Variants in HDAC7 observed in about 807,000 individuals in gnomAD.
HDAC7 encodes histone deacetylase 7, also known as histone deacetylase 7A.
Under a neutral mutation model 115.5 loss-of-function variants are expected in HDAC7, and 26 were observed. The observed-to-expected ratio is 0.23, with a 90% CI of 0.16 to 0.31. HDAC7 has a LOEUF of 0.31. Among genes scored for constraint, HDAC7 ranks in the 10% least tolerant of loss-of-function variants. The probability of loss-of-function intolerance (pLI) is 1.00; values close to 1 mark genes in which losing one functional copy is unlikely to be tolerated. For missense variants in HDAC7, 1,068 were observed against 1,329.0 expected (o/e 0.80, Z 3.05); for synonymous variants, 564 against 550.9 (o/e 1.02, Z -0.33).
intron 7 of HDAC7, 82 bp downstream of exon 7, chr12:47,796,935 C>T: frequency 1.4e-6 from 2 of 1,450,954 alleles, no homozygotes; most frequent in South Asian, 2.9e-5. Flanking sequence ...GAGGGGACCC[C>T]TGTCTAGGTG....
intron 1 of HDAC7, among the ~76,000 whole-genome samples, 180 bp downstream of exon 1, chr12:47,819,587 G>A (rs1026033687): frequency 2.6e-5 from 4 of 151,412 alleles, no homozygotes; most frequent in Non-Finnish European, 1.5e-5. Context: ...CCAGAGCCCC[G>A]CGGAGCCGGG....
chr12:47,805,532 C>G lies in HDAC7; in HGVS notation c.20-3258G>C, dbSNP rs559867638. Among the ~76,000 whole-genome samples, 5 of 152,306 alleles carry G rather than the reference C, an allele frequency of 3.3e-5. No homozygotes were observed. The East Asian group carries it at 9.6e-4, about 29-fold the overall frequency. On this transcript the variant is annotated intron_variant, in intron 1 of 25. Transcript: ENST00000080059. ...TCTGGTTCTCCTTCCCTGACATAGG[C>G]TGGAAAAAGCTTGAGTCTCCATGGG...
rs564861883 is a variant in HDAC7, at chr12:47,811,712, T to G, written c.19+8055A>C. Among the ~76,000 whole-genome samples, 99 of 152,352 alleles carry G rather than the reference T, an allele frequency of 6.5e-4. No homozygotes were observed. In the South Asian group the frequency reaches 7.2e-3, roughly 11 times the overall value. On this transcript the variant is annotated intron_variant, in intron 1 of 25. Coordinates refer to ENST00000080059, the MANE Select transcript of HDAC7 (RefSeq NM_015401.5). ...ACAGCCCATGGTAGCAAAGTCAAAGTGTGACCTCGGGCTCCCGTGAGCATT... is the reference window on the plus strand; with the variant it reads ...ACAGCCCATGGTAGCAAAGTCAAAGGGTGACCTCGGGCTCCCGTGAGCATT...
rs766456680 is a variant in HDAC7, at chr12:47,789,287, C to T, written c.2209G>A (p.Ala737Thr). ...CAGTCTACAATGAGGATCTTGCTGG[C>T]CTTGCTCTGCTGTTGCAGCTGCCGG... ...ACRQLQQQSK[A>T]SKILIVDWDV... is the part of the protein sequence containing the mutation. Residue 737 changes from alanine to threonine, a missense_variant, in exon 19 of 26, where the codon GCC becomes ACC. Physicochemically the swap from Ala to Thr is moderately conservative, Grantham distance 58 (BLOSUM62 0). Around this residue, in one of 6 missense-constraint regions of HDAC7, gnomAD observed 182 missense variants for 301.1 expected, o/e 0.60. Transcript: ENST00000080059. 6.2e-7 allele frequency: 1 copy of T among 1,614,070 alleles called. No homozygotes were observed. Among genetic ancestry groups the T allele is most frequent in the South Asian group, 1.1e-5 (1 of 91,088 alleles).
intron 1 of HDAC7, among the ~76,000 whole-genome samples, chr12:47,806,799 A>G (rs1236127824): frequency 6.6e-6 from 1 of 152,170 alleles, no homozygotes; most frequent in Non-Finnish European, 1.5e-5. Flanking sequence ...CCCTTGTGGT[A>G]GCGAGTATTA....
intron 1 of HDAC7, chr12:47,817,531 C>A (rs1944882954): frequency 6.6e-6 from 1 of 152,436 alleles, no homozygotes; most frequent in South Asian, 2.1e-4. Context: ...CAGCAATACC[C>A]CACACCCCAC....
In HDAC7 at chr12:47,792,075, C is replaced by A. The variant is rs1048933316; in HGVS notation, c.1679-71G>T. The stretch of plus-strand genomic sequence containing the variant: ...CCCATGGCCTTGGCTGCAGAGAACA[C>A]GCCAGCACCGCCACAGCAGGCACCC... On this transcript the variant is annotated intron_variant, in intron 13 of 25. Transcript: ENST00000080059. 2.0e-6 allele frequency: 3 copies of A among 1,485,854 alleles called. No individual in the cohort carries two copies. The East Asian group carries it at 7.2e-5, about 36-fold the overall frequency. 92.0% of individuals were successfully genotyped at this position (1,485,854 alleles called of 1,614,324 possible). A position where few individuals can be genotyped will look rare whatever the true frequency, so the allele number is the denominator to read the frequency against.
intron 7 of HDAC7, among the ~76,000 whole-genome samples, chr12:47,796,515 C>A (rs1433772308): frequency 6.6e-6 from 1 of 151,882 alleles, no homozygotes; most frequent in Non-Finnish European, 1.5e-5. Flanking sequence ...CCTCCACCTC[C>A]TGGGTTCAAG....
chr12:47,801,851 T>A (rs551737202), intron 2 of HDAC7, among the ~76,000 whole-genome samples: 1 of 152,180 alleles, frequency 6.6e-6, no homozygotes, highest in African/African-American at 2.4e-5. Flanking sequence ...CATGCCCACC[T>A]TGCAGAGCCG....
intron 13 of HDAC7, chr12:47,792,785 G>A (rs1431304085): frequency 4.7e-6 from 2 of 421,566 alleles, no homozygotes; most frequent in Admixed American, 2.6e-5. Context: ...ATACATTAAT[G>A]AAATACTATG....
chr12:47,801,251 T>C (rs1323211031), intron 2 of HDAC7, among the ~76,000 whole-genome samples: 2 of 152,070 alleles, frequency 1.3e-5, no homozygotes, highest in East Asian at 1.9e-4. Context: ...GGGCAGGGAG[T>C]TGGTTTCATG....
Position 47,802,461 on chromosome 12 carries a change from G to C in HDAC7, c.20-187C>G, listed in dbSNP as rs775573200. 13 of 1,551,044 alleles carry C rather than the reference G, an allele frequency of 8.4e-6. No homozygotes were observed. The Middle Eastern group carries it at 5.0e-4, about 59-fold the overall frequency. On this transcript the variant is annotated intron_variant, in intron 1 of 25. Transcript: ENST00000080059. ...CCCATTCGACTCCTCCAGTCCCCCT[G>C]CTGGTGAAAAGGGCTCCCAGCTCCC...
intron 15 of HDAC7, 86 bp downstream of exon 15, chr12:47,791,500 G>T: frequency 6.6e-7 from 1 of 1,513,002 alleles, no homozygotes; most frequent in Non-Finnish European, 8.9e-7. Context: ...GGAGGAGGCT[G>T]GCTGGGCGGG....
At chr12:47,802,100 T>C (rs1406144988) in intron 2 of HDAC7, 124 bp downstream of exon 2, 28 of 1,047,702 alleles carry the variant, frequency 2.7e-5, no homozygotes, top group Non-Finnish European at 3.8e-5. Flanking sequence ...CGCCACCTCC[T>C]GGCTCTCTGG....
At chr12:47,796,816 G>A (rs1334904916) in intron 7 of HDAC7, among the ~76,000 whole-genome samples, 1 of 152,180 alleles carries the variant, frequency 6.6e-6, no homozygotes, top group Non-Finnish European at 1.5e-5. Context: ...CCCCTTTTCT[G>A]GGAGATGTCA....
In HDAC7 at chr12:47,793,376, G is replaced by T. The variant is rs376495677; in HGVS notation, c.1671C>A (p.Phe557Leu). The change falls in exon 13 of 26, where the codon TTC (phenylalanine) becomes TTA (leucine). Residue 557 changes from phenylalanine (F) to leucine (L), a missense_variant. Transcript: ENST00000080059. This position sits in a 1 kb window ranked among gnomAD's most constrained non-coding sequence, Gnocchi z 4.5. ...CCCTCCTCCCGGTCTCACCTGTGGT[G>T]AAGGGCAGGGTCCTGGCAGGGGTCT... ...SSETPARTLPFTTGLIYDSVM... is the reference protein window; with the variant it reads ...SSETPARTLPLTTGLIYDSVM... 6.5e-7 allele frequency: 1 copy of T among 1,536,542 alleles called. No individual in the cohort carries two copies. Among genetic ancestry groups the T allele is most frequent in the Admixed American group, 2.0e-5 (1 of 50,440 alleles).
chr12:47,798,201 A>T lies in HDAC7; in HGVS notation c.368T>A (p.Val123Glu). ...CACCTCCGCTAGCTTCTGCTTGACC[A>T]CGCTGCTGGCTACAGCACCTGTAGG... ...KSKRSAVASS[V>E]VKQKLAEVIL... Residue 123 changes from valine to glutamate, a missense_variant, in exon 5 of 26, where the codon GTG becomes GAG. By Grantham distance (121) the Val-to-Glu change is moderately radical (BLOSUM62 -2). This residue lies in a region of HDAC7 where 7 missense variants were observed against 23.0 expected (regional missense o/e 0.30). Transcript: ENST00000080059. The surrounding 1 kb of genome is among the most constrained non-coding windows in gnomAD (Gnocchi z 4.3). The T allele has an allele frequency of 1.9e-6, 3 of 1,613,626 alleles. No homozygotes were observed. The highest frequency in any genetic ancestry group is 2.5e-6 in the Non-Finnish European group (3 of 1,179,828).
Position 47,795,222 on chromosome 12 carries a change from G to C in HDAC7, c.1246C>G (p.Arg416Gly), listed in dbSNP as rs750135679. The change falls in exon 11 of 26, where the codon CGC becomes GGC. Residue 416 changes from arginine (R) to glycine (G), a missense_variant. This residue lies in a region of HDAC7 where 618 missense variants were observed against 701.5 expected (regional missense o/e 0.88). Transcript: ENST00000080059. This position sits in a 1 kb window ranked among gnomAD's most constrained non-coding sequence, Gnocchi z 4.3. ...ACGTGAGTTTTGAGCTGCTCCAGGC[G>C]GGGCTGCATGGGGCCCGGCGGTGGG... ...APPPPGPMQP[R>G]LEQLKTHVQV... The C allele has an allele frequency of 2.5e-6, 4 of 1,612,902 alleles. No individual in the cohort carries two copies. In the Admixed American group the frequency reaches 6.7e-5, roughly 27 times the overall value.
Position 47,805,266 on chromosome 12 carries a change from T to G in HDAC7, c.20-2992A>C, listed in dbSNP as rs550611920. Among the ~76,000 whole-genome samples the G allele has an allele frequency of 1.6e-3, 243 of 152,028 alleles. 4 individuals carry two copies. Among genetic ancestry groups the G allele is most frequent in the Middle Eastern group, 6.8e-3 (2 of 294 alleles). ...TTTTTGTTTTGTTTTGTTGTTTTTT[T>G]TTTTGTAGAGACGAAGTCTTCCCCT... is the stretch of plus-strand genomic sequence containing the variant. On this transcript the variant is annotated intron_variant, in intron 1 of 25. Transcript: ENST00000080059.
Sources: allele counts gnomAD v4.1 joint callset (sites outside exome capture counted in the v4.1 genomes callset), GRCh38; gene constraint gnomAD v4.1.1; regional missense constraint gnomAD v4.1.1; non-coding constraint Gnocchi (gnomAD v3.1); transcripts MANE v1.5; gene names NCBI Gene and HGNC (gene_info 2026-07-23, HGNC 2026-07-21).